The following CDH18 variants were observed in gnomAD, a reference collection of about 807,000 sequenced individuals.
CDH18 encodes the protein cadherin-18.
Under a neutral mutation model 67.9 loss-of-function variants are expected in CDH18, and 31 were observed. The observed-to-expected ratio is 0.46, with a 90% CI of 0.34 to 0.62. CDH18 has a LOEUF of 0.62. Ranked by LOEUF, CDH18 falls within the 20% of genes least tolerant of loss-of-function variation. The probability of loss-of-function intolerance (pLI) is 0.01; values close to 1 mark genes in which losing one functional copy is unlikely to be tolerated. For missense variants in CDH18, 890 were observed against 975.5 expected (o/e 0.91, Z 1.17); for synonymous variants, 362 against 347.2 (o/e 1.04, Z -0.48).
chr5:19,751,604 G>A (rs1770852326), intron 3 of CDH18, among the ~76,000 whole-genome samples: 1 of 152,016 alleles, frequency 6.6e-6, no homozygotes, highest in South Asian at 2.1e-4. Context: ...TTAAAGTATA[G>A]GCAAATGAAA....
At chr5:19,630,643 G>T (rs576816479) in intron 5 of CDH18, among the ~76,000 whole-genome samples, 9 of 152,272 alleles carry the variant, frequency 5.9e-5, no homozygotes, top group African/African-American at 2.2e-4. Flanking sequence ...TTATTTCTTA[G>T]TAGGGGGATC....
chr5:19,920,203 G>C lies in CDH18; in HGVS notation c.-257+60857C>G, dbSNP rs142669230. On this transcript the variant is annotated intron_variant, in intron 2 of 12. Coordinates refer to ENST00000382275, the MANE Select transcript of CDH18 (RefSeq NM_004934.5). ...TTTCGAAGTTATAATTCATATCTTA[G>C]AGAAAATCCTATTTTGACTTTATTA... is the stretch of plus-strand genomic sequence containing the variant. Among the ~76,000 whole-genome samples the C allele has an allele frequency of 4.1e-4, 63 of 152,228 alleles. 1 individual carries two copies. The highest frequency in any genetic ancestry group is 1.5e-3 in the African/African-American group (62 of 41,546).
chr5:19,945,217 C>T (rs1047540534), intron 2 of CDH18, among the ~76,000 whole-genome samples: 60 of 152,136 alleles, frequency 3.9e-4, no homozygotes, highest in African/African-American at 1.3e-3. Context: ...CTCCCTTCCA[C>T]CTCCAGGAGG....
At chr5:19,977,014 GTGGATAAACA>G (rs1798570005) in intron 2 of CDH18, among the ~76,000 whole-genome samples, 1 of 152,152 alleles carries the variant, frequency 6.6e-6, no homozygotes, top group Admixed American at 6.6e-5. Context: ...AAAGGTGTAA[GTGGATAAACA>G]AATTATTAAT....
intron 2 of CDH18, among the ~76,000 whole-genome samples, chr5:20,138,698 T>C (rs1248047621): frequency 6.6e-6 from 1 of 152,012 alleles, no homozygotes; most frequent in Non-Finnish European, 1.5e-5. Flanking sequence ...AAATCATGAG[T>C]GAACTCCCAT....
chr5:19,855,356 C>T (rs1268086489), intron 2 of CDH18, among the ~76,000 whole-genome samples: 1 of 152,022 alleles, frequency 6.6e-6, no homozygotes, highest in Non-Finnish European at 1.5e-5. Flanking sequence ...CCATTTATAT[C>T]TCCTTCTTTA....
At chr5:20,363,408 C>G (rs1475171706) in intron 1 of CDH18, among the ~76,000 whole-genome samples, 1 of 138,874 alleles carries the variant, frequency 7.2e-6, no homozygotes, top group Non-Finnish European at 1.5e-5. Context: ...TCACTTGAAC[C>G]TGGGAGGCAG....
chr5:19,633,354 T>C (rs1483827377), intron 5 of CDH18, among the ~76,000 whole-genome samples: 2 of 152,196 alleles, frequency 1.3e-5, no homozygotes, highest in Admixed American at 1.3e-4. Context: ...AATGAAGTCA[T>C]TAATTCAGTG....
At chr5:20,386,195 T>G in intron 1 of CDH18, among the ~76,000 whole-genome samples, 1 of 152,282 alleles carries the variant, frequency 6.6e-6, no homozygotes, top group South Asian at 2.1e-4. Context: ...TTCCCTCTTC[T>G]TTCTTGGAGC....
At chr5:19,973,470 C>A (rs1437632086) in intron 2 of CDH18, among the ~76,000 whole-genome samples, 1 of 152,020 alleles carries the variant, frequency 6.6e-6, no homozygotes, top group Admixed American at 6.6e-5. Flanking sequence ...ATCTCTTAAA[C>A]CTTGGAAATC....
At chr5:20,014,689 T>C (rs1191229424) in intron 2 of CDH18, among the ~76,000 whole-genome samples, 1 of 152,108 alleles carries the variant, frequency 6.6e-6, no homozygotes, top group Non-Finnish European at 1.5e-5. Context: ...ATTAAAAATG[T>C]TATGGATGAG....
At chr5:19,695,249 C>A (rs1161695548) in intron 5 of CDH18, among the ~76,000 whole-genome samples, 1 of 152,136 alleles carries the variant, frequency 6.6e-6, no homozygotes, top group Non-Finnish European at 1.5e-5. Context: ...CCACATTGAC[C>A]TTCTGTCTCC....
At chr5:20,463,238 T>TTTTTTTTTTTTTTTTTTTTTTTGA (rs1554003938) in intron 1 of CDH18, among the ~76,000 whole-genome samples, 1 of 151,896 alleles carries the variant, frequency 6.6e-6, no homozygotes, top group Non-Finnish European at 1.5e-5. Flanking sequence ...TGTGTGCTTT[T>TTTTTTTTTTTTTTTTTTTTTTTGA]GTGATGCAAT....
In CDH18 at chr5:20,378,317, A is replaced by G. The variant is rs528625752; in HGVS notation, c.-579-122812T>C. Among the ~76,000 whole-genome samples the G allele has an allele frequency of 2.0e-4, 31 of 152,090 alleles. No homozygotes were observed. In the South Asian group the frequency reaches 2.7e-3, roughly 13 times the overall value. The stretch of plus-strand genomic sequence containing the variant: ...CTCCCTAGTAGCTGGGACTACAGGC[A>G]CCCACCACCACGCCCAGCTAATTTT... On this transcript the variant is annotated intron_variant, in intron 1 of 14. Coordinates refer to the CDH18 transcript ENST00000507958.
rs148587927 is a variant in CDH18 at position 20,558,588 on chromosome 5, T to C, written c.-580+16874A>G. Reference sequence around the variant, plus strand: ...GTAGCTGAAACCATAGACAGGATTATTGATGTTTAGTTTGTGGTGTTTGAC... The same window carrying C: ...GTAGCTGAAACCATAGACAGGATTACTGATGTTTAGTTTGTGGTGTTTGAC... On this transcript the variant is annotated intron_variant, in intron 1 of 14. Coordinates refer to the CDH18 transcript ENST00000507958. 9.9e-3 allele frequency among the ~76,000 whole-genome samples: 1,505 copies of C among 152,154 alleles called. 21 individuals are homozygous for C. The highest frequency in any genetic ancestry group is 0.034 in the African/African-American group (1,406 of 41,522).
chr5:19,766,793 G>A (rs975366895), intron 3 of CDH18, among the ~76,000 whole-genome samples: 8 of 152,046 alleles, frequency 5.3e-5, no homozygotes, highest in African/African-American at 1.7e-4. Flanking sequence ...GGATTTTAGT[G>A]GTTTTCCATC....
At chr5:19,735,556 C>G (rs947632322) in intron 4 of CDH18, among the ~76,000 whole-genome samples, 1 of 151,900 alleles carries the variant, frequency 6.6e-6, no homozygotes, top group African/African-American at 2.4e-5. Context: ...CCACCACGCC[C>G]GGCTAATTGT....
intron 1 of CDH18, among the ~76,000 whole-genome samples, chr5:20,308,104 T>A (rs1377841683): frequency 6.8e-6 from 1 of 147,518 alleles, no homozygotes; most frequent in Admixed American, 6.8e-5. Flanking sequence ...TTTTTTTTTT[T>A]ACTGGTTTTC....
intron 9 of CDH18, among the ~76,000 whole-genome samples, chr5:19,533,966 G>A (rs1431175481): frequency 6.6e-6 from 1 of 152,108 alleles, no homozygotes; most frequent in Non-Finnish European, 1.5e-5. Context: ...TTATTTGAGT[G>A]ATTTGAAGTT....
Sources: allele counts gnomAD v4.1 joint callset (sites outside exome capture counted in the v4.1 genomes callset), GRCh38; gene constraint gnomAD v4.1.1; transcripts MANE v1.5; gene names NCBI Gene and HGNC (gene_info 2026-07-23, HGNC 2026-07-21).